Variants in TMEM269 observed in about 807,000 individuals in gnomAD.
The protein encoded by TMEM269 is transmembrane protein 269.
A neutral mutation model predicts 15.8 loss-of-function variants in TMEM269; 12 were observed. That is an observed-to-expected ratio of 0.76 (90% CI 0.49 to 1.23). The LOEUF is 1.23. TMEM269 is among the 50% of genes most tolerant of loss of function. The pLI, the probability that TMEM269 is intolerant of heterozygous loss-of-function variation, is 0.00. For synonymous variants in TMEM269, 93 were observed against 99.3 expected, an observed-to-expected ratio of 0.94 and a Z score of 0.38; for missense variants, 211 against 245.4, an observed-to-expected ratio of 0.86 and a Z score of 0.94.
chr1:42,791,753 G>C (rs116690740), intron 2 of TMEM269, among the ~76,000 whole-genome samples: 2,249 of 152,342 alleles, frequency 0.015, 66 homozygotes, highest in African/African-American at 0.051. Context: ...TGTAGTTCCA[G>C]CACTTTGGGA....
chr1:42,796,492 C>CT (rs1405117857), intron 5 of TMEM269: 1 of 151,948 alleles, frequency 6.6e-6, no homozygotes, highest in Non-Finnish European at 1.5e-5. Flanking sequence ...CTTCGTACGT[C>CT]TGAGAACTGG....
chr1:42,792,553 AC>A (rs1330272987), intron 2 of TMEM269, among the ~76,000 whole-genome samples: 7 of 152,056 alleles, frequency 4.6e-5, no homozygotes, highest in Admixed American at 4.6e-4. Flanking sequence ...GGTTTGGGGC[AC>A]CCCTTTAAGA....
chr1:42,787,373 G>A (rs1653561670), intron 1 of TMEM269, among the ~76,000 whole-genome samples: 1 of 151,954 alleles, frequency 6.6e-6, no homozygotes, highest in Admixed American at 6.6e-5. Context: ...GGCCGAGGCG[G>A]GTGGATCATG....
chr1:42,796,305 C>G (rs907398355), intron 5 of TMEM269, among the ~76,000 whole-genome samples: 2 of 152,192 alleles, frequency 1.3e-5, no homozygotes, highest in African/African-American at 4.8e-5. Context: ...TGGCCTCAGC[C>G]TTCCTCAGAT....
At chr1:42,790,199 A>T (rs1311351897) in intron 2 of TMEM269, among the ~76,000 whole-genome samples, 2 of 152,226 alleles carry the variant, frequency 1.3e-5, no homozygotes, top group Non-Finnish European at 2.9e-5. Context: ...GGTAGGCCAC[A>T]GTTCATATTT....
intron 2 of TMEM269, among the ~76,000 whole-genome samples, chr1:42,790,943 A>C (rs965273778): frequency 6.6e-6 from 1 of 152,146 alleles, no homozygotes; most frequent in Non-Finnish European, 1.5e-5. Flanking sequence ...CAGGGTGCAG[A>C]CTTGAGAATG....
At position 42,797,407 on chromosome 1, in the gene TMEM269, G is replaced by A. The variant is rs1330729532; in HGVS notation, c.485-691G>A. On this transcript the variant is annotated intron_variant, in intron 5 of 5. Coordinates refer to ENST00000637012, the MANE Select transcript of TMEM269 (RefSeq NM_001354602.2). The surrounding 1 kb of genome is among the most constrained non-coding windows in gnomAD (Gnocchi z 4.9). ...CTGAATTGTGATAATACAATAAAGT[G>A]TTGGCTACCAGGGAAACTGATGAGA... 1.3e-5 allele frequency among the ~76,000 whole-genome samples: 2 copies of A among 152,162 alleles called. No homozygotes were observed. The highest frequency in any genetic ancestry group is 4.8e-5 in the African/African-American group (2 of 41,418).
chr1:42,785,463 C>A (rs1653524087), intron 1 of TMEM269, among the ~76,000 whole-genome samples: 1 of 152,234 alleles, frequency 6.6e-6, no homozygotes, highest in Non-Finnish European at 1.5e-5. Flanking sequence ...TCCTCTGCAG[C>A]ACCACTGCCA....
chr1:42,792,385 A>T (rs1423400221), intron 2 of TMEM269, among the ~76,000 whole-genome samples: 2 of 152,166 alleles, frequency 1.3e-5, no homozygotes, highest in African/African-American at 4.8e-5. Flanking sequence ...CACACTCCTC[A>T]TTTTACAGAT....
Position 42,794,617 on chromosome 1 carries a change from A to G in TMEM269, c.484+4A>G. The G allele has an allele frequency of 1.3e-6, 2 of 1,546,716 alleles. No individual in the cohort carries two copies. The highest frequency in any genetic ancestry group is 1.7e-6 in the Non-Finnish European group (2 of 1,143,332). On this transcript the variant is annotated splice_donor_region_variant and intron_variant, in intron 5 of 5. Coordinates refer to ENST00000637012, the MANE Select transcript of TMEM269 (RefSeq NM_001354602.2). ...AAAAAATTGGTTTATATAGGAGGTGAGTGAAAATGTCACTATGGCCAGTTT... is the reference window on the plus strand; with the variant it reads ...AAAAAATTGGTTTATATAGGAGGTGGGTGAAAATGTCACTATGGCCAGTTT...
rs754704393 is a variant in TMEM269 at position 42,798,080 on chromosome 1, C to T, written c.485-18C>T. 1.1e-4 allele frequency: 169 copies of T among 1,551,056 alleles called. No individual in the cohort carries two copies. Among genetic ancestry groups the T allele is most frequent in the Non-Finnish European group, 1.0e-4 (115 of 1,147,102 alleles). On this transcript the variant is annotated intron_variant, in intron 5 of 5. Transcript: ENST00000637012. ...CAGCTTCCTAGAAATTGAGTGTCTG[C>T]ACTTTTTGTTCTTCCAGGTGTCATC...
At chr1:42,793,298 T>A (rs1202424172) in intron 3 of TMEM269, among the ~76,000 whole-genome samples, 1 of 152,154 alleles carries the variant, frequency 6.6e-6, no homozygotes, top group Non-Finnish European at 1.5e-5. Flanking sequence ...CATGTAAGAT[T>A]TAGCGTGAAA....
intron 1 of TMEM269, chr1:42,789,357 G>C: frequency 7.6e-7 from 1 of 1,315,642 alleles, no homozygotes; most frequent in South Asian, 1.3e-5. Flanking sequence ...AACTTGGACT[G>C]TGGGACAACA....
intron 1 of TMEM269, chr1:42,787,925 T>C (rs949816723): frequency 6.6e-6 from 1 of 152,234 alleles, no homozygotes; most frequent in Non-Finnish European, 1.5e-5. Flanking sequence ...GGAGGGAGTA[T>C]GCAGCAAGTC....
intron 1 of TMEM269, among the ~76,000 whole-genome samples, chr1:42,786,471 T>A (rs1048675535): frequency 6.6e-6 from 1 of 151,658 alleles, no homozygotes; most frequent in African/African-American, 2.4e-5. Context: ...CAAAGGGAGG[T>A]TCTGAGAAGG....
chr1:42,789,983 C>T, intron 2 of TMEM269, 49 bp downstream of exon 2: 2 of 1,373,328 alleles, frequency 1.5e-6, no homozygotes, highest in Non-Finnish European at 1.0e-6. Context: ...GAGCCAATGG[C>T]ATGCGGGAAG....
intron 1 of TMEM269, among the ~76,000 whole-genome samples, chr1:42,786,653 G>A (rs559519212): frequency 1.8e-4 from 27 of 152,290 alleles, no homozygotes; most frequent in Admixed American, 1.6e-3. Context: ...TTCTCACCCC[G>A]TGGCAGGCTG....
chr1:42,786,118 C>T (rs2124207641), intron 1 of TMEM269, among the ~76,000 whole-genome samples: 1 of 152,310 alleles, frequency 6.6e-6, no homozygotes, highest in South Asian at 2.1e-4. Context: ...GTTGAGCGTT[C>T]ATCTGAGGCT....
At chr1:42,793,814 G>A (rs932367505) in intron 4 of TMEM269, 70 bp downstream of exon 4, 7 of 1,484,326 alleles carry the variant, frequency 4.7e-6, no homozygotes, top group Non-Finnish European at 6.3e-6. Flanking sequence ...TCGGGTGCCA[G>A]AAGCCTGGGG....
Sources: gnomAD v4.1 joint callset for allele counts (sites outside exome capture counted in the v4.1 genomes callset) on GRCh38, gnomAD v4.1.1 for gene constraint, Gnocchi (gnomAD v3.1) non-coding constraint, MANE v1.5 for transcripts, NCBI Gene and HGNC (gene_info 2026-07-23, HGNC 2026-07-21) for gene names.